The following POLN variants were observed in gnomAD, a reference collection of about 807,000 sequenced individuals.
The protein encoded by POLN is DNA polymerase N.
In POLN, 108 loss-of-function variants were observed where a neutral mutation model predicts 113.5. That is an observed-to-expected ratio of 0.95 (90% CI 0.81 to 1.12). The LOEUF (loss-of-function observed/expected upper bound fraction) is 1.12, where lower values mean the gene tolerates loss of function less well. Among genes scored for constraint, POLN ranks in the 50% most tolerant of loss-of-function variants. The probability of loss-of-function intolerance (pLI) is 0.00; values close to 1 mark genes in which losing one functional copy is unlikely to be tolerated. For missense variants in POLN, 1,097 were observed against 1,077.1 expected (o/e 1.02, Z -0.26); for synonymous variants, 386 against 391.5 (o/e 0.99, Z 0.17).
At chr4:2,128,675 A>AG (rs33913492) in intron 18 of POLN, among the ~76,000 whole-genome samples, 127,876 of 152,132 alleles carry the variant, frequency 0.84, 54,352 homozygotes, top group Non-Finnish European at 0.9. Context: ...GCACGGGGGC[A>AG]GGGCCAAAGG....
intron 16 of POLN, among the ~76,000 whole-genome samples, chr4:2,139,142 T>C (rs1731934311): frequency 1.3e-5 from 2 of 151,716 alleles, no homozygotes; most frequent in South Asian, 4.2e-4. Flanking sequence ...AGCCGCAGGG[T>C]CAGAGGGGAA....
intron 13 of POLN, 33 bp from the exon 14 acceptor site, chr4:2,159,244 T>C (rs1732517891): frequency 6.6e-7 from 1 of 1,523,080 alleles, no homozygotes; most frequent in African/African-American, 1.4e-5. Context: ...CCAATGTAAT[T>C]CGTCCATTTT....
At chr4:2,167,669 T>TGG (rs1186345452) in intron 13 of POLN, among the ~76,000 whole-genome samples, 1 of 152,058 alleles carries the variant, frequency 6.6e-6, no homozygotes, top group Admixed American at 6.5e-5. Flanking sequence ...GAGGCCGAGG[T>TGG]GGGCAGGTCA....
In POLN at chr4:2,072,072, G is replaced by T; in HGVS notation, c.*42C>A. 1.2e-6 allele frequency: 2 copies of T among 1,603,936 alleles called. No individual in the cohort carries two copies. The highest frequency in any genetic ancestry group is 2.2e-5 in the South Asian group (2 of 90,866). The stretch of plus-strand genomic sequence containing the variant: ...TGACCTTGGGGAAGGCCACACAATG[G>T]ACTGCTGGAAACCAGTTCTCTCCTC... On this transcript the variant is annotated 3_prime_UTR_variant, in exon 26 of 26. Coordinates refer to ENST00000511885, the MANE Select transcript of POLN (RefSeq NM_181808.4).
At chr4:2,205,895 C>G (rs917427500) in intron 5 of POLN, among the ~76,000 whole-genome samples, 1 of 146,390 alleles carries the variant, frequency 6.8e-6, no homozygotes, top group Non-Finnish European at 1.5e-5. Context: ...AAAAAAAAAT[C>G]TTAAAATTCA....
chr4:2,218,443 TAA>T (rs577978110), intron 3 of POLN, among the ~76,000 whole-genome samples: 1 of 146,120 alleles, frequency 6.8e-6, no homozygotes, highest in East Asian at 2.0e-4. Context: ...GAAACTGCCT[TAA>T]AAAAAAAAAG....
intron 7 of POLN, among the ~76,000 whole-genome samples, chr4:2,184,396 T>G (rs1733221487): frequency 6.6e-6 from 1 of 152,096 alleles, no homozygotes; most frequent in African/African-American, 2.4e-5. Context: ...TATAGCATAT[T>G]TTAGAAATAC....
intron 19 of POLN, among the ~76,000 whole-genome samples, chr4:2,111,237 T>C (rs1445663060): frequency 6.6e-6 from 1 of 152,140 alleles, no homozygotes. Flanking sequence ...ATGGGACGTA[T>C]CTCAAAATAA....
chr4:2,150,754 A>C (rs1732272397), intron 16 of POLN, among the ~76,000 whole-genome samples: 1 of 152,234 alleles, frequency 6.6e-6, no homozygotes, highest in African/African-American at 2.4e-5. Context: ...TGGTCTTTTC[A>C]AGAAACGGTA....
rs73079296 is a variant in POLN, at chr4:2,155,665, C to G, written c.1731+1123G>C. 4.4e-3 allele frequency among the ~76,000 whole-genome samples: 674 copies of G among 152,192 alleles called. 4 individuals are homozygous for G. The highest frequency in any genetic ancestry group is 0.015 in the African/African-American group (642 of 41,512). The stretch of plus-strand genomic sequence containing the variant: ...TACTTGTATTTCTTTACCATGAATA[C>G]ATATTCATATTTATATATATATGTT... On this transcript the variant is annotated intron_variant, in intron 16 of 25. Transcript: ENST00000511885.
chr4:2,121,446 A>ATATAT (rs35672300), intron 19 of POLN, among the ~76,000 whole-genome samples: 11 of 83,872 alleles, frequency 1.3e-4, no homozygotes, highest in East Asian at 3.0e-4. Context: ...AAAAAAAAAA[A>ATATAT]AAAAAAATAT....
chr4:2,235,072 G>A (rs1207628223), intron 2 of POLN, among the ~76,000 whole-genome samples: 3 of 152,200 alleles, frequency 2.0e-5, no homozygotes, highest in African/African-American at 7.2e-5. Context: ...TTTTAGTAGA[G>A]ATGGGGTTTC....
chr4:2,238,955 T>C lies in POLN; in HGVS notation c.-13+2565A>G, dbSNP rs777582938. The C allele has an allele frequency of 4.9e-5, 78 of 1,599,946 alleles. 2 individuals are homozygous for C. The South Asian group carries it at 8.5e-4, about 17-fold the overall frequency. ...TCTTACCACAGCAGGTAAACTTCTG[T>C]CTTTTATTTGAGTGACCTCTTTTTC... On this transcript the variant is annotated intron_variant, in intron 2 of 25. Coordinates refer to ENST00000511885, the MANE Select transcript of POLN (RefSeq NM_181808.4).
At chr4:2,096,427 G>C (rs1189855079) in intron 19 of POLN, among the ~76,000 whole-genome samples, 1 of 152,084 alleles carries the variant, frequency 6.6e-6, no homozygotes, top group Non-Finnish European at 1.5e-5. Context: ...ATAGAATAAG[G>C]ATCAACTCAG....
chr4:2,198,533 T>C lies in POLN; in HGVS notation c.899A>G (p.Gln300Arg). ...IWDQEQEAHQ[Q>R]FARNVLFQTM... ...TGTGAAGATTTCTTACCGGGCAAAT[T>C]GTTGATGTGCCTCCTGTTCTTGGTC... Residue 300 changes from glutamine to arginine, a missense_variant, in exon 6 of 26, where the codon CAA becomes CGA. Physicochemically the swap from Gln to Arg is conservative, Grantham distance 43 (BLOSUM62 1). Coordinates refer to ENST00000511885, the MANE Select transcript of POLN (RefSeq NM_181808.4). 1 of 1,608,720 alleles carries C rather than the reference T, an allele frequency of 6.2e-7. No homozygotes were observed. The highest frequency in any genetic ancestry group is 8.5e-7 in the Non-Finnish European group (1 of 1,177,220).
At chr4:2,146,805 C>A (rs1732154971) in intron 16 of POLN, among the ~76,000 whole-genome samples, 2 of 152,092 alleles carry the variant, frequency 1.3e-5, no homozygotes, top group South Asian at 4.1e-4. Context: ...GTAACAACAG[C>A]AATGGCTTGA....
At chr4:2,089,111 T>C in intron 20 of POLN, 1 of 1,053,112 alleles carries the variant, frequency 9.5e-7, no homozygotes, top group Non-Finnish European at 1.4e-6. Context: ...TGGAAGAAAA[T>C]CTGGGTTTTT....
chr4:2,095,087 A>T (rs1730752426), intron 20 of POLN, among the ~76,000 whole-genome samples: 1 of 152,036 alleles, frequency 6.6e-6, no homozygotes, highest in Non-Finnish European at 1.5e-5. Flanking sequence ...GAAAAGAATT[A>T]AAAAATCCCA....
intron 7 of POLN, among the ~76,000 whole-genome samples, chr4:2,183,290 ACTT>A (rs1191442448): frequency 3.7e-4 from 56 of 152,338 alleles, no homozygotes; most frequent in African/African-American, 1.1e-3. Context: ...CAGCAATTCT[ACTT>A]CTTCTAGATA....
Sources: gnomAD v4.1 joint callset for allele counts (sites outside exome capture counted in the v4.1 genomes callset) on GRCh38, gnomAD v4.1.1 for gene constraint, MANE v1.5 for transcripts, NCBI Gene and HGNC (gene_info 2026-07-23, HGNC 2026-07-21) for gene names.